The following MARCHF10 variants were observed in gnomAD, a reference collection of about 807,000 sequenced individuals.
MARCHF10 encodes the protein membrane associated ring-CH-type finger 10.
A neutral mutation model predicts 76.2 loss-of-function variants in MARCHF10; 64 were observed. That is an observed-to-expected ratio of 0.84 (90% CI 0.69 to 1.03). The LOEUF is 1.03. MARCHF10 is among the 50% of genes least tolerant of loss of function. The pLI, the probability that MARCHF10 is intolerant of heterozygous loss-of-function variation, is 0.00. For synonymous variants in MARCHF10, 340 were observed against 357.5 expected (o/e 0.95, Z 0.55); for missense variants, 875 against 958.0 (o/e 0.91, Z 1.14).
chr17:62,797,013 C>G (rs1313443312), intron 2 of MARCHF10, among the ~76,000 whole-genome samples: 2 of 151,456 alleles, frequency 1.3e-5, no homozygotes, highest in Non-Finnish European at 2.9e-5. Context: ...AAGACCATGT[C>G]TCAAAAAAAA....
rs202205654 is a variant in MARCHF10 at position 62,788,508 on chromosome 17, C to T, written c.182G>A (p.Arg61Gln). The change falls in exon 3 of 11, where the codon CGG (arginine) becomes CAG (glutamine). Residue 61 changes from arginine (R) to glutamine (Q), a missense_variant. By Grantham distance (43) the Arg-to-Gln change is conservative (BLOSUM62 1). Transcript: ENST00000311269. ...WGQETSFERS[R>Q]FSSRSSSKQS... ...TTTGGAAGATGACCTGCTAGAAAACCGGGATCTCTCAAAACTTGTCTCTTG... is the reference window on the plus strand; with the variant it reads ...TTTGGAAGATGACCTGCTAGAAAACTGGGATCTCTCAAAACTTGTCTCTTG... The T allele has an allele frequency of 9.9e-6, 16 of 1,613,968 alleles. No individual in the cohort carries two copies. The highest frequency in any genetic ancestry group is 2.7e-5 in the African/African-American group (2 of 74,912).
At position 62,738,060 on chromosome 17, in the gene MARCHF10, T is replaced by TCACACACACACACACACACACACACACA. The variant is rs55902229; in HGVS notation, c.536-756_536-729dup. On this transcript the variant is annotated intron_variant, in intron 5 of 10. Transcript: ENST00000311269. This position sits in a 1 kb window ranked among gnomAD's most constrained non-coding sequence, Gnocchi z 4.0. ...AACTGTCTCTCTCTGTCTCTCTCTG[T>TCACACACACACACACACACACACACACA]CACACACACACACACACACACACAC... 2.4e-5 allele frequency: 3 copies of TCACACACACACACACACACACACACACA among 127,312 alleles called. No individual in the cohort carries two copies. Among genetic ancestry groups the TCACACACACACACACACACACACACACA allele is most frequent in the African/African-American group, 6.3e-5 (2 of 31,910 alleles). 7.9% of individuals were successfully genotyped at this position (127,312 alleles called of 1,614,324 possible). A position where few individuals can be genotyped will look rare whatever the true frequency, so the allele number is the denominator to read the frequency against.
intron 4 of MARCHF10, 125 bp downstream of exon 4, chr17:62,759,710 A>G: frequency 1.1e-6 from 1 of 914,992 alleles, no homozygotes; most frequent in South Asian, 1.7e-5. Flanking sequence ...ACCTCAAGTG[A>G]TCCGCCGGCC....
intron 2 of MARCHF10, among the ~76,000 whole-genome samples, chr17:62,799,143 G>A (rs2093032957): frequency 2.0e-5 from 3 of 152,180 alleles, no homozygotes. Flanking sequence ...ACAAGTAAAT[G>A]TGTTGACGTG....
At chr17:62,739,491 C>T (rs577145187) in intron 5 of MARCHF10, among the ~76,000 whole-genome samples, 3 of 151,736 alleles carry the variant, frequency 2.0e-5, no homozygotes, top group African/African-American at 7.3e-5. Context: ...AAGCAATTCT[C>T]CTGCCTCACC....
intron 6 of MARCHF10, among the ~76,000 whole-genome samples, chr17:62,729,696 C>G (rs1181985631): frequency 6.6e-6 from 1 of 151,854 alleles, no homozygotes; most frequent in African/African-American, 2.4e-5. Context: ...GCCTCAGCCT[C>G]TAGAGTAGCT....
chr17:62,730,062 A>G (rs150787260), intron 6 of MARCHF10, among the ~76,000 whole-genome samples: 253 of 152,118 alleles, frequency 1.7e-3, no homozygotes, highest in African/African-American at 6.0e-3. Context: ...CCTGCCTGTA[A>G]TCCCAGCTAC....
At chr17:62,733,272 A>G (rs60373618) in intron 6 of MARCHF10, among the ~76,000 whole-genome samples, 308 of 152,298 alleles carry the variant, frequency 2.0e-3, no homozygotes, top group African/African-American at 7.1e-3. Flanking sequence ...CAGCCTGGGC[A>G]ACGTAGTGAG....
chr17:62,759,993 T>C lies in MARCHF10; in HGVS notation c.224A>G (p.Glu75Gly). ...RSSSKQSSSE[E>G]DALTEPRSSI... ...TGACCTTGGTTCAGTTAGAGCATCC[T>C]CCTCACTAGAACTCTACCAAAAATG... Residue 75 changes from glutamate to glycine, a missense_variant, in exon 4 of 11, where the codon GAG (glutamate) becomes GGG (glycine). Glu to Gly is a moderately conservative substitution (Grantham distance 98, BLOSUM62 -2). Coordinates refer to ENST00000311269, the MANE Select transcript of MARCHF10 (RefSeq NM_152598.4). 1 of 1,613,970 alleles carries C rather than the reference T, an allele frequency of 6.2e-7. No individual in the cohort carries two copies. The highest frequency in any genetic ancestry group is 8.5e-7 in the Non-Finnish European group (1 of 1,179,928).
chr17:62,753,568 C>T (rs1179513738), intron 4 of MARCHF10, among the ~76,000 whole-genome samples: 1 of 152,224 alleles, frequency 6.6e-6, no homozygotes, highest in Non-Finnish European at 1.5e-5. Flanking sequence ...ACACTTGGAG[C>T]ACAAGGCCCT....
intron 6 of MARCHF10, 143 bp from the exon 7 acceptor site, chr17:62,725,247 T>G: frequency 1.5e-6 from 1 of 661,178 alleles, no homozygotes; most frequent in South Asian, 2.5e-5. Context: ...GAGATGATTT[T>G]TGATAACACA....
chr17:62,782,520 G>A (rs972365155), intron 3 of MARCHF10, among the ~76,000 whole-genome samples: 3 of 151,742 alleles, frequency 2.0e-5, no homozygotes, highest in African/African-American at 7.3e-5. Flanking sequence ...GTTAATTTTC[G>A]TATTTTTAGT....
intron 3 of MARCHF10, among the ~76,000 whole-genome samples, chr17:62,769,047 T>G (rs555162733): frequency 3.1e-4 from 47 of 152,366 alleles, no homozygotes; most frequent in African/African-American, 1.1e-3. Flanking sequence ...TGTCTTACGC[T>G]CTAAATTTGA....
Position 62,705,458 on chromosome 17 carries a change from G to A in MARCHF10, c.2371+81C>T, listed in dbSNP as rs774162741. On this transcript the variant is annotated intron_variant, in intron 10 of 10. Transcript: ENST00000311269. Reference sequence around the variant, plus strand: ...GTGGTGGTCATTCCTTCCTTCCATGGCATTTGGTTCCACACAGTCACAGAA... The same window carrying A: ...GTGGTGGTCATTCCTTCCTTCCATGACATTTGGTTCCACACAGTCACAGAA... 9.9e-6 allele frequency: 16 copies of A among 1,612,606 alleles called. No homozygotes were observed. In the South Asian group the frequency reaches 1.7e-4, roughly 17 times the overall value.
intron 5 of MARCHF10, among the ~76,000 whole-genome samples, chr17:62,741,689 T>C (rs1044562664): frequency 6.6e-6 from 1 of 152,192 alleles, no homozygotes; most frequent in Non-Finnish European, 1.5e-5. Context: ...ATTAGCCATC[T>C]GTATTTTTAT....
At position 62,701,703 on chromosome 17, in the gene MARCHF10, C is replaced by T. The variant is rs1255005637; in HGVS notation, c.2427G>A (p.Ter809=). Residue 809 remains the stop codon, a stop_retained_variant, in exon 11 of 11, where the codon TAG becomes TAA. Coordinates refer to ENST00000311269, the MANE Select transcript of MARCHF10 (RefSeq NM_152598.4). The stretch of plus-strand genomic sequence containing the variant: ...CCGAGCTCCACAGTTGGCTTCCTTG[C>T]TAGACGACCTGGCTTTGAGAAATGC... ...EGSISQSQVV[*] is the part of the protein sequence containing the mutation. 3 of 1,613,996 alleles carry T rather than the reference C, an allele frequency of 1.9e-6. No individual in the cohort carries two copies. Among genetic ancestry groups the T allele is most frequent in the African/African-American group, 2.7e-5 (2 of 74,926 alleles).
Position 62,801,705 on chromosome 17 carries a change from A to G in MARCHF10, c.31T>C (p.Phe11Leu). 1 of 1,614,156 alleles carries G rather than the reference A, an allele frequency of 6.2e-7. No homozygotes were observed. The highest frequency in any genetic ancestry group is 8.5e-7 in the Non-Finnish European group (1 of 1,180,012). The change falls in exon 2 of 11, where the codon TTC becomes CTC. Residue 11 changes from phenylalanine (F) to leucine (L), a missense_variant. Transcript: ENST00000311269. Reference sequence around the variant, plus strand: ...CGCAGATACTGAACATCGCTGAAGAACTTCTGCCTGTCCCTTGCGTCATGC... The same window carrying G: ...CGCAGATACTGAACATCGCTGAAGAGCTTCTGCCTGTCCCTTGCGTCATGC... MLHDARDRQK[F>L]FSDVQYLRDM...
At chr17:62,704,412 C>A (rs1035225227) in intron 10 of MARCHF10, among the ~76,000 whole-genome samples, 1 of 152,210 alleles carries the variant, frequency 6.6e-6, no homozygotes, top group Non-Finnish European at 1.5e-5. Context: ...CGGGCTGGGG[C>A]TCCCGGGCTC....
Position 62,736,339 on chromosome 17 carries a change from C to T in MARCHF10, c.1529G>A (p.Cys510Tyr). Residue 510 changes from cysteine (C) to tyrosine (Y), a missense_variant, in exon 6 of 11, where the codon TGC becomes TAC. Transcript: ENST00000311269. ...ATTTCTAATGGGAGACAGTGGTTGGCAAACATGAAACCCTGAGTTTCCCTC... is the reference window on the plus strand; with the variant it reads ...ATTTCTAATGGGAGACAGTGGTTGGTAAACATGAAACCCTGAGTTTCCCTC... ...DSEGNSGFHV[C>Y]QPLSPIRNRT... 6.2e-7 allele frequency: 1 copy of T among 1,614,184 alleles called. No individual in the cohort carries two copies. Among genetic ancestry groups the T allele is most frequent in the Non-Finnish European group, 8.5e-7 (1 of 1,180,036 alleles).
Sources: allele counts gnomAD v4.1 joint callset (sites outside exome capture counted in the v4.1 genomes callset), GRCh38; gene constraint gnomAD v4.1.1; non-coding constraint Gnocchi (gnomAD v3.1); transcripts MANE v1.5; gene names NCBI Gene and HGNC (gene_info 2026-07-23, HGNC 2026-07-21).